The following MPDZ variants were observed in gnomAD, a reference collection of about 807,000 sequenced individuals.
MPDZ encodes the protein multiple PDZ domain crumbs cell polarity complex component.
MPDZ carries 234 observed loss-of-function variants against 239.1 expected under a neutral mutation model. The observed-to-expected ratio is 0.98, with a 90% CI of 0.88 to 1.09. The LOEUF (loss-of-function observed/expected upper bound fraction) is 1.09. Among genes scored for constraint, MPDZ ranks in the 50% least tolerant of loss-of-function variants. The pLI is 0.00. For missense variants in MPDZ, 3,175 were observed against 2,510.0 expected (o/e 1.26, Z -5.66); for synonymous variants, 1,048 against 881.3 (o/e 1.19, Z -3.35).
rs560455337 is a variant in MPDZ at position 13,123,873 on chromosome 9, T to G, written c.4808-575A>C. Among the ~76,000 whole-genome samples the G allele has an allele frequency of 2.7e-4, 41 of 152,326 alleles. 1 individual carries two copies. In the South Asian group the frequency reaches 7.0e-3, roughly 26 times the overall value. On this transcript the variant is annotated intron_variant, in intron 35 of 46. Coordinates refer to ENST00000319217, the MANE Select transcript of MPDZ (RefSeq NM_001378778.1). ...CTGAGCAAAAATGCACCATTTGCAG[T>G]TTTCTCCTTGGGTCTCACTTGATGT...
At chr9:13,148,060 G>C (rs1387924361) in intron 25 of MPDZ, among the ~76,000 whole-genome samples, 1 of 151,944 alleles carries the variant, frequency 6.6e-6, no homozygotes, top group Non-Finnish European at 1.5e-5. Context: ...GGGTGGTTTG[G>C]GAAGTAAGGG....
At chr9:13,250,412 A>G in intron 1 of MPDZ, 40 bp from the exon 2 acceptor site, 1 of 1,086,250 alleles carries the variant, frequency 9.2e-7, no homozygotes. Context: ...TTTTATCAGA[A>G]CTTTATATTC....
chr9:13,232,348 C>T (rs966974748), intron 3 of MPDZ, among the ~76,000 whole-genome samples: 2 of 152,090 alleles, frequency 1.3e-5, no homozygotes, highest in African/African-American at 2.4e-5. Context: ...TTAATTGGAA[C>T]ACAACATAGG....
intron 25 of MPDZ, 149 bp downstream of exon 25, chr9:13,150,362 T>A: frequency 4.6e-6 from 2 of 438,652 alleles, no homozygotes; most frequent in Non-Finnish European, 7.5e-6. Flanking sequence ...AGTATGAAGA[T>A]GACAATTCCC....
intron 10 of MPDZ, among the ~76,000 whole-genome samples, chr9:13,209,381 C>A (rs924834144): frequency 1.3e-5 from 2 of 152,208 alleles, no homozygotes; most frequent in Non-Finnish European, 2.9e-5. Context: ...TCCTCTACCA[C>A]TGGTTTCCTC....
intron 1 of MPDZ, among the ~76,000 whole-genome samples, chr9:13,277,140 C>G (rs1974401908): frequency 2.6e-5 from 4 of 152,072 alleles, no homozygotes; most frequent in African/African-American, 9.7e-5. Context: ...AAGGGTCAAG[C>G]AGAGCAATGT....
intron 3 of MPDZ, among the ~76,000 whole-genome samples, chr9:13,237,917 T>A (rs1964486369): frequency 6.6e-6 from 1 of 152,146 alleles, no homozygotes; most frequent in Non-Finnish European, 1.5e-5. Flanking sequence ...AAATATAAAT[T>A]AAGCTTTAGT....
At chr9:13,212,857 A>G (rs1957803053) in intron 10 of MPDZ, among the ~76,000 whole-genome samples, 1 of 151,504 alleles carries the variant, frequency 6.6e-6, no homozygotes, top group Non-Finnish European at 1.5e-5. Context: ...CAGACACTGC[A>G]ATTAACAGGA....
intron 22 of MPDZ, among the ~76,000 whole-genome samples, chr9:13,167,748 G>T (rs557625613): frequency 2.0e-5 from 3 of 152,158 alleles, no homozygotes; most frequent in Admixed American, 2.0e-4. Flanking sequence ...AATGGTTAGT[G>T]ACTTAAAAAA....
At chr9:13,222,520 T>C (rs1172254153) in intron 5 of MPDZ, 74 bp from the exon 6 acceptor site, 2 of 1,171,084 alleles carry the variant, frequency 1.7e-6, no homozygotes, top group East Asian at 2.4e-5. Context: ...TTGGCATGTA[T>C]GTTCAAGTCA....
At chr9:13,234,711 TC>T (rs1205545994) in intron 3 of MPDZ, among the ~76,000 whole-genome samples, 2 of 152,166 alleles carry the variant, frequency 1.3e-5, no homozygotes, top group African/African-American at 4.8e-5. Context: ...TAGTTCAGTT[TC>T]CCATATTTTT....
Position 13,162,810 on chromosome 9 carries a change from A to C in MPDZ, c.3255-15T>G. On this transcript the variant is annotated splice_polypyrimidine_tract_variant and intron_variant, in intron 22 of 46. Transcript: ENST00000319217. ...CATAAGTAATTCTGGAACAAACCAG[A>C]ATCCATGGAAGTGAAGGGAAATAAT... The C allele has an allele frequency of 6.4e-7, 1 of 1,557,970 alleles. No homozygotes were observed. Among genetic ancestry groups the C allele is most frequent in the Non-Finnish European group, 8.8e-7 (1 of 1,134,160 alleles).
At chr9:13,234,560 G>C (rs1445126455) in intron 3 of MPDZ, among the ~76,000 whole-genome samples, 2 of 152,022 alleles carry the variant, frequency 1.3e-5, no homozygotes, top group African/African-American at 2.4e-5. Context: ...AGAATAAAAT[G>C]ACCAAAATAC....
At chr9:13,193,597 C>T (rs937985305) in intron 13 of MPDZ, among the ~76,000 whole-genome samples, 3 of 151,980 alleles carry the variant, frequency 2.0e-5, no homozygotes, top group African/African-American at 7.3e-5. Flanking sequence ...CTCTTGTTTC[C>T]CAAGTAGAAA....
At chr9:13,200,625 T>C (rs751644356) in intron 12 of MPDZ, among the ~76,000 whole-genome samples, 51 of 152,182 alleles carry the variant, frequency 3.4e-4, no homozygotes, top group African/African-American at 9.6e-4. Flanking sequence ...CCCATTTTCA[T>C]TTGTTTCAAG....
chr9:13,271,853 C>T (rs952633740), intron 1 of MPDZ, among the ~76,000 whole-genome samples: 1 of 152,102 alleles, frequency 6.6e-6, no homozygotes, highest in Non-Finnish European at 1.5e-5. Flanking sequence ...ATGGATGAAT[C>T]CCAAAATAAT....
intron 1 of MPDZ, among the ~76,000 whole-genome samples, chr9:13,260,452 T>C (rs1970431663): frequency 6.6e-6 from 1 of 152,204 alleles, no homozygotes; most frequent in Non-Finnish European, 1.5e-5. Flanking sequence ...CATGTCAGTG[T>C]TGTGACTATT....
At chr9:13,220,512 T>C (rs369351826) in intron 7 of MPDZ, among the ~76,000 whole-genome samples, 52 of 152,070 alleles carry the variant, frequency 3.4e-4, no homozygotes, top group East Asian at 1.6e-3. Context: ...CAGCTCCACA[T>C]TGAAGATAAA....
intron 16 of MPDZ, among the ~76,000 whole-genome samples, chr9:13,189,700 G>C (rs1225474919): frequency 6.6e-6 from 1 of 152,172 alleles, no homozygotes; most frequent in Non-Finnish European, 1.5e-5. Context: ...CATAAATTTA[G>C]TCAAATGATT....
Sources: gnomAD v4.1 joint callset for allele counts (sites outside exome capture counted in the v4.1 genomes callset) on GRCh38, gnomAD v4.1.1 for gene constraint, MANE v1.5 for transcripts, NCBI Gene and HGNC (gene_info 2026-07-23, HGNC 2026-07-21) for gene names.